The following SLC9A9 variants were observed in gnomAD, a reference collection of about 807,000 sequenced individuals.
SLC9A9 encodes solute carrier family 9 member A9.
Under a neutral mutation model 77.8 loss-of-function variants are expected in SLC9A9, and 62 were observed. That is an observed-to-expected ratio of 0.80 (90% CI 0.65 to 0.98). The LOEUF (loss-of-function observed/expected upper bound fraction) is 0.98, where lower values mean the gene tolerates loss of function less well. SLC9A9 is among the 50% of genes least tolerant of loss of function. SLC9A9 has a pLI of 0.00. For missense variants in SLC9A9, 775 were observed against 774.9 expected (o/e 1.00, Z 0.00); for synonymous variants, 320 against 283.5 (o/e 1.13, Z -1.29).
intron 9 of SLC9A9, among the ~76,000 whole-genome samples, chr3:143,495,781 G>A (rs2035824796): frequency 6.6e-6 from 1 of 152,208 alleles, no homozygotes; most frequent in South Asian, 2.1e-4. Context: ...GTGATTTGCT[G>A]AAGGTGTACT....
intron 12 of SLC9A9, among the ~76,000 whole-genome samples, chr3:143,406,379 G>A (rs1200513256): frequency 2.0e-5 from 3 of 151,608 alleles, no homozygotes; most frequent in Non-Finnish European, 2.9e-5. Context: ...TATTTTTCCT[G>A]TATCTTTTTT....
At chr3:143,769,183 A>G (rs1170871017) in intron 4 of SLC9A9, among the ~76,000 whole-genome samples, 1 of 152,208 alleles carries the variant, frequency 6.6e-6, no homozygotes, top group African/African-American at 2.4e-5. Context: ...TAAAAATGAA[A>G]TAAGGAGCTG....
intron 5 of SLC9A9, among the ~76,000 whole-genome samples, chr3:143,672,170 T>C (rs1025913560): frequency 7.2e-6 from 1 of 139,378 alleles, no homozygotes; most frequent in African/African-American, 2.6e-5. Flanking sequence ...GGAACTACTT[T>C]GTCAATTACA....
intron 14 of SLC9A9, among the ~76,000 whole-genome samples, chr3:143,282,577 T>A (rs186226201): frequency 2.0e-5 from 3 of 152,300 alleles, no homozygotes; most frequent in African/African-American, 7.2e-5. Context: ...AGTTCTTGAG[T>A]GGAATTCTAG....
At chr3:143,664,504 T>G (rs1243965196) in intron 5 of SLC9A9, among the ~76,000 whole-genome samples, 1 of 152,198 alleles carries the variant, frequency 6.6e-6, no homozygotes, top group African/African-American at 2.4e-5. Flanking sequence ...GTAAATGGGC[T>G]AAATGCTCCA....
intron 9 of SLC9A9, among the ~76,000 whole-genome samples, chr3:143,498,970 G>A (rs1261922858): frequency 6.6e-6 from 1 of 152,058 alleles, no homozygotes; most frequent in Non-Finnish European, 1.5e-5. Flanking sequence ...TCTAGTTTGG[G>A]GCTATGATAA....
At chr3:143,812,606 G>A (rs981116037) in intron 2 of SLC9A9, among the ~76,000 whole-genome samples, 3 of 152,176 alleles carry the variant, frequency 2.0e-5, no homozygotes, top group Non-Finnish European at 2.9e-5. Context: ...GGGACCATAT[G>A]ACTGAGTTCA....
chr3:143,342,850 A>G (rs531401491), intron 14 of SLC9A9, among the ~76,000 whole-genome samples: 42 of 152,220 alleles, frequency 2.8e-4, no homozygotes, highest in Non-Finnish European at 5.4e-4. Context: ...ATGCAAATAT[A>G]CACGCGCCAC....
chr3:143,444,830 T>C (rs917988361), intron 12 of SLC9A9, among the ~76,000 whole-genome samples: 1 of 152,212 alleles, frequency 6.6e-6, no homozygotes, highest in Non-Finnish European at 1.5e-5. Context: ...TTTCATTCAA[T>C]TGGCATGAAT....
chr3:143,775,568 T>C (rs6440192), intron 4 of SLC9A9, among the ~76,000 whole-genome samples: 68,867 of 152,038 alleles, frequency 0.45, 17,181 homozygotes, highest in African/African-American at 0.66. Flanking sequence ...CCAGAGGGCA[T>C]AATATCAAAG....
intron 2 of SLC9A9, among the ~76,000 whole-genome samples, chr3:143,811,500 A>T (rs1199800407): frequency 6.6e-6 from 1 of 152,132 alleles, no homozygotes; most frequent in Non-Finnish European, 1.5e-5. Flanking sequence ...TGAGGATTAT[A>T]TGTAATAATG....
At chr3:143,707,330 T>C (rs1934009688) in intron 4 of SLC9A9, among the ~76,000 whole-genome samples, 2 of 151,174 alleles carry the variant, frequency 1.3e-5, no homozygotes, top group Non-Finnish European at 2.9e-5. Flanking sequence ...CTATTCTGTG[T>C]CAAACACCCT....
At chr3:143,564,937 G>T (rs751993238) in intron 8 of SLC9A9, among the ~76,000 whole-genome samples, 4 of 152,156 alleles carry the variant, frequency 2.6e-5, no homozygotes, top group African/African-American at 4.8e-5. Flanking sequence ...AAGAAGGAAA[G>T]ACCTATTTTG....
Position 143,827,666 on chromosome 3 carries a change from T to C in SLC9A9, c.378+4353A>G, listed in dbSNP as rs551507146. ...CATCCCAGAAATACACGTGCTCTTATAAAATCTTCTAAGAGGCCATTACAT... is the reference window on the plus strand; with the variant it reads ...CATCCCAGAAATACACGTGCTCTTACAAAATCTTCTAAGAGGCCATTACAT... On this transcript the variant is annotated intron_variant, in intron 2 of 15. Coordinates refer to ENST00000316549, the MANE Select transcript of SLC9A9 (RefSeq NM_173653.4). Among the ~76,000 whole-genome samples, 6 of 152,312 alleles carry C rather than the reference T, an allele frequency of 3.9e-5. No individual in the cohort carries two copies. The South Asian group carries it at 8.3e-4, about 21-fold the overall frequency.
chr3:143,500,926 T>TA (rs2035913097), intron 9 of SLC9A9, among the ~76,000 whole-genome samples: 1 of 150,380 alleles, frequency 6.6e-6, no homozygotes, highest in African/African-American at 2.5e-5. Flanking sequence ...GGAAAAAAGA[T>TA]AGATTGTTTG....
chr3:143,815,603 C>T (rs1490718961), intron 2 of SLC9A9, among the ~76,000 whole-genome samples: 1 of 151,918 alleles, frequency 6.6e-6, no homozygotes, highest in African/African-American at 2.4e-5. Flanking sequence ...CAGTGGCTCA[C>T]ACCTGTAATC....
rs143075775 is a variant in SLC9A9 at position 143,374,064 on chromosome 3, C to T, written c.1524+7996G>A. The stretch of plus-strand genomic sequence containing the variant: ...ATAAGAGAAAAATCTTTAAAGCAAC[C>T]AGGGAAAGACAGAGCATATTATGTT... On this transcript the variant is annotated intron_variant, in intron 13 of 15. Coordinates refer to ENST00000316549, the MANE Select transcript of SLC9A9 (RefSeq NM_173653.4). Among the ~76,000 whole-genome samples the T allele has an allele frequency of 7.2e-3, 1,087 of 151,928 alleles. 10 individuals carry two copies. Among genetic ancestry groups the T allele is most frequent in the African/African-American group, 0.025 (1,020 of 41,406 alleles).
intron 9 of SLC9A9, chr3:143,503,638 G>A (rs2108598680): frequency 4.4e-6 from 2 of 450,980 alleles, no homozygotes; most frequent in South Asian, 3.2e-5. Context: ...TGCCTTGGCA[G>A]TGCCAGGAGA....
At chr3:143,600,463 T>A (rs2037829050) in intron 6 of SLC9A9, among the ~76,000 whole-genome samples, 1 of 152,198 alleles carries the variant, frequency 6.6e-6, no homozygotes, top group South Asian at 2.1e-4. Flanking sequence ...AAGAATTCTA[T>A]AAGTGTGTGA....
Sources: gnomAD v4.1 joint callset for allele counts (sites outside exome capture counted in the v4.1 genomes callset) on GRCh38, gnomAD v4.1.1 for gene constraint, MANE v1.5 for transcripts, NCBI Gene and HGNC (gene_info 2026-07-23, HGNC 2026-07-21) for gene names.